CNTN6: variants seen among roughly 807,000 people sequenced by gnomAD.
The protein encoded by CNTN6 is contactin-6.
In CNTN6, 137 loss-of-function variants were observed where a neutral mutation model predicts 122.8. That is an observed-to-expected ratio of 1.12 (90% CI 0.97 to 1.29). CNTN6 has a LOEUF of 1.29. CNTN6 is among the 50% of genes most tolerant of loss of function. The probability of loss-of-function intolerance (pLI) is 0.00; values close to 1 mark genes in which losing one functional copy is unlikely to be tolerated. For synonymous variants in CNTN6, 570 were observed against 426.0 expected (o/e 1.34, Z -4.16); for missense variants, 1,634 against 1,223.4 (o/e 1.34, Z -5.01).
At chr3:1,327,368 T>C (rs1240007528) in intron 9 of CNTN6, 89 bp from the exon 10 acceptor site, 2 of 1,324,660 alleles carry the variant, frequency 1.5e-6, no homozygotes, top group Non-Finnish European at 2.1e-6. Flanking sequence ...ATCTCATAGA[T>C]ATACACAAAT....
chr3:1,253,537 A>G (rs1244287096), intron 4 of CNTN6, among the ~76,000 whole-genome samples: 1 of 152,174 alleles, frequency 6.6e-6, no homozygotes. Context: ...CATCGTTTTC[A>G]ACTGATTTGA....
At chr3:1,129,258 G>T (rs975971700) in intron 1 of CNTN6, among the ~76,000 whole-genome samples, 4 of 152,008 alleles carry the variant, frequency 2.6e-5, no homozygotes, top group Non-Finnish European at 4.4e-5. Context: ...AAGATAATGT[G>T]CATATTTTAA....
chr3:1,143,803 T>A (rs2092666336), intron 1 of CNTN6, among the ~76,000 whole-genome samples: 1 of 152,176 alleles, frequency 6.6e-6, no homozygotes, highest in Non-Finnish European at 1.5e-5. Context: ...AGCAATCAGA[T>A]GATAAAGGGC....
intron 9 of CNTN6, among the ~76,000 whole-genome samples, chr3:1,326,300 C>G (rs903126004): frequency 6.6e-6 from 1 of 151,784 alleles, no homozygotes; most frequent in African/African-American, 2.4e-5. Context: ...TTTTTCCGTG[C>G]ATTATCTTAT....
intron 2 of CNTN6, among the ~76,000 whole-genome samples, chr3:1,153,006 T>C (rs1271441883): frequency 1.3e-5 from 2 of 152,234 alleles, no homozygotes; most frequent in Non-Finnish European, 2.9e-5. Flanking sequence ...CTTTTAACAT[T>C]CTTATTTTAA....
At chr3:1,293,349 C>G (rs1241095924) in intron 5 of CNTN6, among the ~76,000 whole-genome samples, 1 of 151,234 alleles carries the variant, frequency 6.6e-6, no homozygotes, top group Non-Finnish European at 1.5e-5. Context: ...GAAGGGATGA[C>G]AAAATGACAA....
chr3:1,403,397 T>TCGG lies in CNTN6; in HGVS notation c.3066_3067insCGG (p.Phe1022_Ala1023insArg), dbSNP rs760923222. 1.9e-6 allele frequency: 3 copies of TCGG among 1,609,266 alleles called. No individual in the cohort carries two copies. In the African/African-American group the frequency reaches 4.0e-5, roughly 22 times the overall value. On this transcript the variant is annotated inframe_insertion, in exon 23 of 23. Transcript: ENST00000446702. ...TTGTCATTGTGATTTTTCACTGTTTTGCTATTCAGCCACTTATCTGATGAA... is the reference window on the plus strand; with the variant it reads ...TTGTCATTGTGATTTTTCACTGTTTTCGGGCTATTCAGCCACTTATCTGATGAA...
chr3:1,269,853 C>A (rs190501044), intron 4 of CNTN6, among the ~76,000 whole-genome samples: 1 of 151,976 alleles, frequency 6.6e-6, no homozygotes, highest in South Asian at 2.1e-4. Context: ...CAAGAAACAA[C>A]GCATTTTTTT....
chr3:1,122,578 C>A (rs1471837059), intron 1 of CNTN6, among the ~76,000 whole-genome samples: 1 of 151,732 alleles, frequency 6.6e-6, no homozygotes, highest in Admixed American at 6.6e-5. Flanking sequence ...GAAGCTCTTA[C>A]CAATTAGTAA....
chr3:1,166,901 G>A (rs2093262659), intron 2 of CNTN6, among the ~76,000 whole-genome samples: 1 of 152,052 alleles, frequency 6.6e-6, no homozygotes, highest in Admixed American at 6.5e-5. Flanking sequence ...GGGAGCAAGG[G>A]GAGGGAGAGC....
At chr3:1,251,716 C>T (rs926640103) in intron 4 of CNTN6, among the ~76,000 whole-genome samples, 1 of 151,988 alleles carries the variant, frequency 6.6e-6, no homozygotes, top group African/African-American at 2.4e-5. Flanking sequence ...ACTGTATTGC[C>T]GGCATCTTCA....
At chr3:1,240,715 A>G (rs866287643) in intron 4 of CNTN6, among the ~76,000 whole-genome samples, 19 of 151,962 alleles carry the variant, frequency 1.3e-4, no homozygotes, top group African/African-American at 3.9e-4. Context: ...CTAAAAAAAA[A>G]AAAAGAAAAA....
At chr3:1,316,269 T>G (rs940628497) in intron 7 of CNTN6, among the ~76,000 whole-genome samples, 1 of 151,916 alleles carries the variant, frequency 6.6e-6, no homozygotes, top group African/African-American at 2.4e-5. Context: ...AAAAGAGGTT[T>G]AATTGGCTCA....
chr3:1,281,021 T>A (rs1469526025), intron 5 of CNTN6, among the ~76,000 whole-genome samples: 1 of 152,186 alleles, frequency 6.6e-6, no homozygotes, highest in Non-Finnish European at 1.5e-5. Context: ...CCATCTCTTG[T>A]GAGGGCTCAC....
intron 20 of CNTN6, chr3:1,401,201 C>A (rs2126261355): frequency 2.3e-6 from 1 of 429,076 alleles, no homozygotes; most frequent in South Asian, 2.7e-5. Context: ...ACTGGACATG[C>A]AGCAAGCCAT....
intron 2 of CNTN6, among the ~76,000 whole-genome samples, chr3:1,172,210 T>C (rs1217647735): frequency 6.6e-6 from 1 of 152,182 alleles, no homozygotes; most frequent in Non-Finnish European, 1.5e-5. Flanking sequence ...GCTTAAAAAA[T>C]ATCACTTCTC....
chr3:1,374,830 T>A (rs2126148326), intron 16 of CNTN6, among the ~76,000 whole-genome samples: 1 of 152,212 alleles, frequency 6.6e-6, no homozygotes, highest in East Asian at 1.9e-4. Flanking sequence ...CAGAAGTCAA[T>A]AAATCAATCC....
At chr3:1,388,259 C>G (rs28812317) in intron 20 of CNTN6, among the ~76,000 whole-genome samples, 11 of 149,028 alleles carry the variant, frequency 7.4e-5, no homozygotes, top group Non-Finnish European at 1.0e-4. Flanking sequence ...TGACCCCTGA[C>G]CCCCGAGCAG....
chr3:1,269,789 A>G (rs1250104250), intron 4 of CNTN6, among the ~76,000 whole-genome samples: 1 of 151,694 alleles, frequency 6.6e-6, no homozygotes, highest in African/African-American at 2.4e-5. Flanking sequence ...TATCCTATCT[A>G]TTTTTTCATA....
Sources: allele counts gnomAD v4.1 joint callset (sites outside exome capture counted in the v4.1 genomes callset), GRCh38; gene constraint gnomAD v4.1.1; transcripts MANE v1.5; gene names NCBI Gene and HGNC (gene_info 2026-07-23, HGNC 2026-07-21).